The following IGBP1C variants were observed in gnomAD, a reference collection of about 807,000 sequenced individuals.
The protein encoded by IGBP1C is immunoglobulin-binding protein 1 family member C.
At chr17:58,665,749 G>GA in the IGBP1C span, among the ~76,000 whole-genome samples, 1,121 of 145,280 alleles carry the variant, frequency 7.7e-3, 8 homozygotes, top group African/African-American at 0.023. Context: ...AAGAAACAAT[G>GA]AAAAAAAAAA....
chr17:58,683,100 C>T, the IGBP1C span, among the ~76,000 whole-genome samples: 3 of 148,970 alleles, frequency 2.0e-5, no homozygotes, highest in South Asian at 6.4e-4. Context: ...AGGCTGAGCA[C>T]GGTGGCTCAC....
chr17:58,689,418 G>A, the IGBP1C span, among the ~76,000 whole-genome samples: 4 of 151,598 alleles, frequency 2.6e-5, no homozygotes, highest in East Asian at 5.8e-4. Flanking sequence ...ACAGGGTTTC[G>A]TCATGTTGGC....
chr17:58,666,584 G>GT, the IGBP1C span: 1 of 150,328 alleles, frequency 6.7e-6, no homozygotes, highest in Non-Finnish European at 1.5e-5. Context: ...ATTATACACT[G>GT]TAGTTACCCA....
the IGBP1C span, among the ~76,000 whole-genome samples, chr17:58,686,861 CTTTTTTTT>C: frequency 2.8e-5 from 2 of 71,478 alleles, no homozygotes; most frequent in African/African-American, 1.2e-4. Flanking sequence ...GAAAGGTCAC[CTTTTTTTT>C]TTTTTTTTTT....
the IGBP1C span, among the ~76,000 whole-genome samples, chr17:58,664,627 G>A: frequency 6.6e-6 from 1 of 152,104 alleles, no homozygotes; most frequent in Non-Finnish European, 1.5e-5. Context: ...AGACTTGCCA[G>A]ACCTATAAAA....
the IGBP1C span, among the ~76,000 whole-genome samples, chr17:58,666,145 C>T: frequency 6.6e-6 from 1 of 151,660 alleles, no homozygotes; most frequent in East Asian, 1.9e-4. Flanking sequence ...GAGTTCGAGA[C>T]CAGCCTTGCC....
the IGBP1C span, among the ~76,000 whole-genome samples, chr17:58,663,628 G>C: frequency 6.6e-6 from 1 of 151,858 alleles, no homozygotes; most frequent in Admixed American, 6.6e-5. Flanking sequence ...CACCACGCCT[G>C]GCTAATTTTT....
chr17:58,676,229 A>G, the IGBP1C span, among the ~76,000 whole-genome samples: 2 of 152,204 alleles, frequency 1.3e-5, no homozygotes, highest in East Asian at 3.9e-4. Context: ...TAAGAAAATT[A>G]GCCAGGCGTG....
the IGBP1C span, chr17:58,679,563 T>C: frequency 6.6e-6 from 1 of 152,206 alleles, no homozygotes; most frequent in Admixed American, 6.6e-5. Context: ...CTACCACAAA[T>C]TATGCAATTA....
chr17:58,670,211 T>C, the IGBP1C span, among the ~76,000 whole-genome samples: 2 of 152,204 alleles, frequency 1.3e-5, no homozygotes, highest in Admixed American at 6.6e-5. Flanking sequence ...ACTGTGTGAT[T>C]ATCAGTCAGT....
the IGBP1C span, among the ~76,000 whole-genome samples, chr17:58,667,641 T>A: frequency 6.6e-6 from 1 of 152,120 alleles, no homozygotes; most frequent in South Asian, 2.1e-4. Flanking sequence ...TCCCAACACT[T>A]TGGGAGGCTG....
chr17:58,665,572 G>A, the IGBP1C span, among the ~76,000 whole-genome samples: 1 of 151,884 alleles, frequency 6.6e-6, no homozygotes, highest in Non-Finnish European at 1.5e-5. Context: ...CTCCAGCCTA[G>A]GCAACAGGGT....
chr17:58,674,602 G>A, the IGBP1C span, among the ~76,000 whole-genome samples: 17 of 151,898 alleles, frequency 1.1e-4, no homozygotes, highest in African/African-American at 2.4e-4. Flanking sequence ...CCTGGGAGGC[G>A]GAGGTTGCAG....
the IGBP1C span, among the ~76,000 whole-genome samples, chr17:58,665,174 T>C: frequency 6.6e-6 from 1 of 152,058 alleles, no homozygotes; most frequent in Non-Finnish European, 1.5e-5. Context: ...TTTATATTTA[T>C]AGAGATAGGG....
At chr17:58,680,205 C>T in the IGBP1C span, among the ~76,000 whole-genome samples, 7 of 152,026 alleles carry the variant, frequency 4.6e-5, no homozygotes, top group African/African-American at 7.2e-5. Flanking sequence ...CAAAAACAGG[C>T]GCGCACGGCT....
chr17:58,669,599 T>C, the IGBP1C span, among the ~76,000 whole-genome samples: 1 of 151,402 alleles, frequency 6.6e-6, no homozygotes, highest in Non-Finnish European at 1.5e-5. Context: ...CCAGGTGTGG[T>C]GGCGCATGCC....
the IGBP1C span, among the ~76,000 whole-genome samples, chr17:58,685,021 A>C: frequency 6.6e-6 from 1 of 152,242 alleles, no homozygotes; most frequent in East Asian, 1.9e-4. Flanking sequence ...AATAAAATTA[A>C]AAATTAAAAA....
chr17:58,662,715 C>A, the IGBP1C span, among the ~76,000 whole-genome samples: 1 of 152,146 alleles, frequency 6.6e-6, no homozygotes, highest in Middle Eastern at 3.4e-3. Context: ...TCATGGGAGT[C>A]AAGGAAGGAA....
At chr17:58,686,442 C>A in the IGBP1C span, among the ~76,000 whole-genome samples, 2 of 152,026 alleles carry the variant, frequency 1.3e-5, no homozygotes, top group African/African-American at 4.8e-5. Context: ...ATGAGTTAGG[C>A]TGAGTTGGAG....
Sources: allele counts gnomAD v4.1 joint callset (sites outside exome capture counted in the v4.1 genomes callset), GRCh38; gene constraint gnomAD v4.1.1; transcripts MANE v1.5; gene names NCBI Gene and HGNC (gene_info 2026-07-23, HGNC 2026-07-21).